The following RGS17 variants were observed in gnomAD, a reference collection of about 807,000 sequenced individuals.
RGS17 encodes the protein regulator of G protein signaling 17, also known as regulator of G-protein signaling 17.
In RGS17, 12 loss-of-function variants were observed where a neutral mutation model predicts 25.5. The observed-to-expected ratio is 0.47, with a 90% CI of 0.30 to 0.76. RGS17 has a LOEUF of 0.76. Ranked by LOEUF, RGS17 falls within the 30% of genes least tolerant of loss-of-function variation. The probability of loss-of-function intolerance (pLI) is 0.07; values close to 1 mark genes in which losing one functional copy is unlikely to be tolerated. For synonymous variants in RGS17, 71 were observed against 76.9 expected (o/e 0.92, Z 0.40); for missense variants, 196 against 242.2 (o/e 0.81, Z 1.27).
rs1180618142 is a variant in RGS17, at chr6:153,008,682, T to C, written c.*2892A>G. Reference sequence around the variant, plus strand: ...AATTCTAATAGTATACAAAGATACCTTGGCAATTGAAAACACAAAGTGTCC... The same window carrying C: ...AATTCTAATAGTATACAAAGATACCCTGGCAATTGAAAACACAAAGTGTCC... On this transcript the variant is annotated 3_prime_UTR_variant, in exon 5 of 5. Transcript: ENST00000206262. The C allele has an allele frequency of 2.0e-5, 3 of 152,224 alleles. No individual in the cohort carries two copies. Among genetic ancestry groups the C allele is most frequent in the East Asian group, 1.9e-4 (1 of 5,204 alleles). 9.4% of individuals were successfully genotyped at this position (152,224 alleles called of 1,614,324 possible).
intron 1 of RGS17, among the ~76,000 whole-genome samples, chr6:153,050,633 A>C (rs7747583): frequency 0.39 from 58,555 of 152,024 alleles, 11,969 homozygotes; most frequent in East Asian, 0.62. Context: ...AGGAATATAC[A>C]TTGAGAAATC....
chr6:153,048,058 CAA>C (rs1776407169), intron 1 of RGS17, among the ~76,000 whole-genome samples: 2 of 152,186 alleles, frequency 1.3e-5, no homozygotes, highest in Non-Finnish European at 2.9e-5. Context: ...GCTTTCTGCA[CAA>C]AATCCTCAAA....
At chr6:153,097,100 A>G (rs141650533) in intron 1 of RGS17, among the ~76,000 whole-genome samples, 109 of 152,272 alleles carry the variant, frequency 7.2e-4, no homozygotes, top group African/African-American at 2.6e-3. Context: ...CTAGTCAGCT[A>G]TTCTTTGTGG....
intron 1 of RGS17, among the ~76,000 whole-genome samples, chr6:153,110,787 C>T (rs935562490): frequency 4.6e-5 from 7 of 152,232 alleles, no homozygotes; most frequent in Non-Finnish European, 8.8e-5. Flanking sequence ...CCACAGAGGG[C>T]GAGCCGAAGC....
chr6:153,034,995 CA>C (rs34486359), intron 2 of RGS17, among the ~76,000 whole-genome samples: 57,565 of 150,836 alleles, frequency 0.38, 11,478 homozygotes, highest in African/African-American at 0.44. Flanking sequence ...ACTAAAAATA[CA>C]AAAAAAAATT....
At chr6:153,070,867 G>A (rs12527426) in intron 1 of RGS17, among the ~76,000 whole-genome samples, 57,299 of 148,732 alleles carry the variant, frequency 0.39, 11,693 homozygotes, top group East Asian at 0.62. Flanking sequence ...TATATAACAT[G>A]CATATGCCCA....
chr6:153,051,664 G>T (rs990519349), intron 1 of RGS17, among the ~76,000 whole-genome samples: 1 of 152,144 alleles, frequency 6.6e-6, no homozygotes, highest in African/African-American at 2.4e-5. Flanking sequence ...CTGAAGGCAC[G>T]GCTTTGTTCC....
intron 1 of RGS17, among the ~76,000 whole-genome samples, chr6:153,046,574 G>A (rs548118800): frequency 9.3e-5 from 14 of 151,310 alleles, no homozygotes; most frequent in Admixed American, 3.3e-4. Flanking sequence ...AAGACATAAC[G>A]GGAATGTAAA....
At chr6:153,067,966 A>C (rs1466937421) in intron 1 of RGS17, among the ~76,000 whole-genome samples, 1 of 152,204 alleles carries the variant, frequency 6.6e-6, no homozygotes, top group East Asian at 1.9e-4. Flanking sequence ...AGACACACAG[A>C]TCAATAGAAC....
At chr6:153,047,251 CAG>C (rs1776396150) in intron 1 of RGS17, among the ~76,000 whole-genome samples, 1 of 152,150 alleles carries the variant, frequency 6.6e-6, no homozygotes, top group African/African-American at 2.4e-5. Context: ...ATATAAGAAA[CAG>C]AACTGAAATT....
chr6:153,126,719 T>C (rs1434881950), intron 1 of RGS17, among the ~76,000 whole-genome samples: 1 of 152,204 alleles, frequency 6.6e-6, no homozygotes, highest in Middle Eastern at 3.2e-3. Flanking sequence ...GGCATTATGT[T>C]GGCAAGAACT....
chr6:153,108,865 G>A (rs761098439), intron 1 of RGS17, among the ~76,000 whole-genome samples: 4 of 151,356 alleles, frequency 2.6e-5, no homozygotes, highest in Non-Finnish European at 4.4e-5. Context: ...GCTCTACAAA[G>A]GAGTCCAAAT....
chr6:153,033,323 G>A (rs1257118471), intron 2 of RGS17, among the ~76,000 whole-genome samples: 1 of 152,158 alleles, frequency 6.6e-6, no homozygotes, highest in Non-Finnish European at 1.5e-5. Flanking sequence ...GTACGTTTAT[G>A]TTCAGTTAGA....
chr6:153,066,994 C>T (rs1372392545), intron 1 of RGS17, among the ~76,000 whole-genome samples: 3 of 151,870 alleles, frequency 2.0e-5, no homozygotes, highest in Non-Finnish European at 2.9e-5. Context: ...GAGCTGAGAT[C>T]GCACCAATGC....
chr6:153,070,879 AT>A (rs1282363421), intron 1 of RGS17, among the ~76,000 whole-genome samples: 7 of 150,104 alleles, frequency 4.7e-5, no homozygotes, highest in African/African-American at 1.7e-4. Flanking sequence ...ATATGCCCAT[AT>A]ACGCATATGT....
chr6:153,107,985 T>C (rs532970227), intron 1 of RGS17, among the ~76,000 whole-genome samples: 3 of 152,348 alleles, frequency 2.0e-5, no homozygotes, highest in Non-Finnish European at 4.4e-5. Context: ...GAGCTCAGAT[T>C]GCTCCAAATG....
Position 153,011,764 on chromosome 6 carries a change from TA to T in RGS17, c.445-3del. On this transcript the variant is annotated splice_region_variant and splice_polypyrimidine_tract_variant and intron_variant, in intron 4 of 4. Transcript: ENST00000206262. ...TCTAACTCGAGAATCAAGACTGACC[TA>T]AAAAGAAACAAGAGCAAATACATTA... The T allele has an allele frequency of 6.3e-7, 1 of 1,578,478 alleles. No individual in the cohort carries two copies. The highest frequency in any genetic ancestry group is 8.6e-7 in the Non-Finnish European group (1 of 1,168,856).
rs904285938 is a variant in RGS17 at position 153,130,283 on chromosome 6, G to A, written c.-26+841C>T. 1.3e-5 allele frequency among the ~76,000 whole-genome samples: 2 copies of A among 152,154 alleles called. No homozygotes were observed. Among genetic ancestry groups the A allele is most frequent in the African/African-American group, 4.8e-5 (2 of 41,442 alleles). On this transcript the variant is annotated intron_variant, in intron 1 of 4. Transcript: ENST00000206262. The surrounding 1 kb of genome is among the most constrained non-coding windows in gnomAD (Gnocchi z 6.4). ...ACTATGATTCCATCGATCACGGAAA[G>A]ACCACCATCACCTACAGCAAAGGAG...
Position 153,040,077 on chromosome 6 carries a change from A to ATTTGGGCATCCATTCCT in RGS17, c.119+3822_119+3823insAGGAATGGATGCCCAAA, listed in dbSNP as rs68028494. Among the ~76,000 whole-genome samples the ATTTGGGCATCCATTCCT allele has an allele frequency of 1.6e-3, 250 of 151,968 alleles. 1 individual carries two copies. The highest frequency in any genetic ancestry group is 5.8e-3 in the African/African-American group (240 of 41,442). ...TGCATGTTTATAGAGTGTCCATTTT[A>ATTTGGGCATCCATTCCT]TGTGTATTTAAGGATGTTAATGGTT... On this transcript the variant is annotated intron_variant, in intron 2 of 4. Coordinates refer to ENST00000206262, the MANE Select transcript of RGS17 (RefSeq NM_012419.5).
Sources: allele counts gnomAD v4.1 joint callset (sites outside exome capture counted in the v4.1 genomes callset), GRCh38; gene constraint gnomAD v4.1.1; non-coding constraint Gnocchi (gnomAD v3.1); transcripts MANE v1.5; gene names NCBI Gene and HGNC (gene_info 2026-07-23, HGNC 2026-07-21).